HDX: variants seen among roughly 807,000 people sequenced by gnomAD.
The protein encoded by HDX is highly divergent homeobox.
A neutral mutation model predicts 45.2 loss-of-function variants in HDX; 19 were observed. The observed-to-expected ratio is 0.42, with a 90% CI of 0.29 to 0.62. The LOEUF (loss-of-function observed/expected upper bound fraction) is 0.62. HDX is among the 20% of genes least tolerant of loss of function. The pLI is 0.20. For synonymous variants in HDX, 188 were observed against 172.8 expected (o/e 1.09, Z -0.69); for missense variants, 532 against 493.9 (o/e 1.08, Z -0.73).
intron 3 of HDX, among the ~76,000 whole-genome samples, chrX:84,474,516 T>A (rs1307882044): frequency 9.0e-6 from 1 of 111,720 alleles, no homozygotes; most frequent in Non-Finnish European, 1.9e-5. Context: ...TAAATTAGCC[T>A]AATGAATGCC....
chrX:84,398,317 T>C (rs1169622160), intron 5 of HDX, among the ~76,000 whole-genome samples: 1 of 110,973 alleles, frequency 9.0e-6, no homozygotes, highest in Non-Finnish European at 1.9e-5. Flanking sequence ...CAATGTGCTG[T>C]GTTCAGGAGA....
At chrX:84,367,057 C>G (rs1450943935) in intron 5 of HDX, among the ~76,000 whole-genome samples, 4 of 111,959 alleles carry the variant, frequency 3.6e-5, no homozygotes, top group African/African-American at 1.3e-4. Flanking sequence ...TCAGAGTGAA[C>G]AGGCAACCTA....
chrX:84,345,398 C>A (rs2037177528), intron 6 of HDX, among the ~76,000 whole-genome samples: 1 of 111,143 alleles, frequency 9.0e-6, no homozygotes, highest in Non-Finnish European at 1.9e-5. Flanking sequence ...AGCATGTGAC[C>A]TTTTGAAATC....
At position 84,446,056 on chromosome X, in the gene HDX, A is replaced by G. The variant is rs185020207; in HGVS notation, c.1252-5471T>C. On this transcript the variant is annotated intron_variant, in intron 4 of 10. Transcript: ENST00000373177. Reference sequence around the variant, plus strand: ...GTACTCAGATGTAACATTACAAACCAAATTCGTCCTACTGATTCTTGAGAT... The same window carrying G: ...GTACTCAGATGTAACATTACAAACCGAATTCGTCCTACTGATTCTTGAGAT... Among the ~76,000 whole-genome samples the G allele has an allele frequency of 2.7e-5, 3 of 111,667 alleles. No homozygotes were observed. In the Admixed American group the frequency reaches 2.9e-4, roughly 11 times the overall value.
At chrX:84,371,757 A>G (rs952837133) in intron 5 of HDX, among the ~76,000 whole-genome samples, 1 of 111,244 alleles carries the variant, frequency 9.0e-6, no homozygotes, top group Non-Finnish European at 1.9e-5. Flanking sequence ...CTTATTGCCT[A>G]TTTTTATGTG....
intron 5 of HDX, among the ~76,000 whole-genome samples, chrX:84,427,699 C>T (rs1477710919): frequency 9.1e-6 from 1 of 110,480 alleles, no homozygotes; most frequent in African/African-American, 3.3e-5. Context: ...GTTCATTTAC[C>T]TGTTAGTGAA....
chrX:84,342,090 C>T (rs1461129607), intron 7 of HDX, among the ~76,000 whole-genome samples: 1 of 111,177 alleles, frequency 9.0e-6, no homozygotes, highest in African/African-American at 3.3e-5. Flanking sequence ...TTTTTTGCCT[C>T]AATGTGGGTG....
At chrX:84,344,911 C>T (rs958541413) in intron 6 of HDX, among the ~76,000 whole-genome samples, 3 of 110,936 alleles carry the variant, frequency 2.7e-5, no homozygotes, top group South Asian at 7.5e-4. Flanking sequence ...CTCGAGAAAA[C>T]GATTCACCAA....
At chrX:84,459,058 C>A (rs2040177364) in intron 4 of HDX, among the ~76,000 whole-genome samples, 1 of 111,757 alleles carries the variant, frequency 8.9e-6, no homozygotes, top group Non-Finnish European at 1.9e-5. Context: ...TGGAATAAAA[C>A]TAGAAATCAA....
Position 84,361,630 on chromosome X carries a change from A to G in HDX, c.1306-18T>C. The G allele has an allele frequency of 8.8e-7, 1 of 1,130,959 alleles. No individual in the cohort carries two copies. The highest frequency in any genetic ancestry group is 1.2e-6 in the Non-Finnish European group (1 of 845,783). 93.2% of individuals were successfully genotyped at this position (1,130,959 alleles called of 1,213,427 possible). ...TCCTGTAGCTGAAAAACACATTTTT[A>G]AATTGTTTTGAATTTTAAAGTTTAG... On this transcript the variant is annotated intron_variant, in intron 5 of 10. Transcript: ENST00000373177.
At chrX:84,419,037 A>C (rs777881806) in intron 5 of HDX, among the ~76,000 whole-genome samples, 157 of 112,164 alleles carry the variant, frequency 1.4e-3, no homozygotes, top group African/African-American at 4.9e-3. Context: ...AACATAGGCC[A>C]GAAAAGAATA....
At chrX:84,495,462 A>G (rs1330299217) in intron 1 of HDX, among the ~76,000 whole-genome samples, 7 of 111,668 alleles carry the variant, frequency 6.3e-5, no homozygotes, top group Non-Finnish European at 1.3e-4. Flanking sequence ...ATAAACATAT[A>G]TATTTTTGCC....
At chrX:84,410,952 A>G (rs968770491) in intron 5 of HDX, among the ~76,000 whole-genome samples, 1 of 106,485 alleles carries the variant, frequency 9.4e-6, no homozygotes, top group Non-Finnish European at 2.0e-5. Flanking sequence ...ATTTGTATGC[A>G]TAGAGGTGTT....
At chrX:84,381,309 C>T (rs1447831412) in intron 5 of HDX, among the ~76,000 whole-genome samples, 1 of 111,013 alleles carries the variant, frequency 9.0e-6, no homozygotes, top group African/African-American at 3.3e-5. Flanking sequence ...CAATCACTAT[C>T]TAAATACCAG....
At chrX:84,329,903 T>C (rs1397989924) in intron 9 of HDX, among the ~76,000 whole-genome samples, 3 of 111,582 alleles carry the variant, frequency 2.7e-5, no homozygotes, top group Non-Finnish European at 3.8e-5. Flanking sequence ...GTCTTTTTGT[T>C]AATGGCTTAT....
intron 5 of HDX, among the ~76,000 whole-genome samples, chrX:84,432,002 A>AT (rs930380183): frequency 3.3e-4 from 37 of 110,848 alleles, no homozygotes; most frequent in African/African-American, 1.1e-3. Flanking sequence ...TCTTGAGTCG[A>AT]TTTTTTTTAT....
chrX:84,391,529 C>T (rs951974239), intron 5 of HDX, among the ~76,000 whole-genome samples: 1 of 110,567 alleles, frequency 9.0e-6, no homozygotes, highest in Non-Finnish European at 1.9e-5. Flanking sequence ...AATTTCCATA[C>T]TGTTTTCCAT....
intron 4 of HDX, among the ~76,000 whole-genome samples, chrX:84,460,628 A>G (rs2040218977): frequency 8.9e-6 from 1 of 111,981 alleles, no homozygotes; most frequent in Admixed American, 9.4e-5. Flanking sequence ...CTTTTCCTCA[A>G]AGATGTGGAA....
At chrX:84,376,017 G>C (rs938947392) in intron 5 of HDX, among the ~76,000 whole-genome samples, 1 of 112,095 alleles carries the variant, frequency 8.9e-6, no homozygotes, top group Non-Finnish European at 1.9e-5. Flanking sequence ...AGAATAGAAG[G>C]CTCGACTGAT....
Sources: allele counts gnomAD v4.1 joint callset (sites outside exome capture counted in the v4.1 genomes callset), GRCh38; gene constraint gnomAD v4.1.1; transcripts MANE v1.5; gene names NCBI Gene and HGNC (gene_info 2026-07-23, HGNC 2026-07-21).